Variants in CNTNAP2 observed in about 807,000 individuals in gnomAD.
CNTNAP2 encodes the protein contactin-associated protein-like 2.
In CNTNAP2, 98 loss-of-function variants were observed where a neutral mutation model predicts 155.2. The ratio of observed to expected loss-of-function variants is 0.63; its 90% CI spans 0.54 to 0.75. The LOEUF (loss-of-function observed/expected upper bound fraction) is 0.75, where lower values mean the gene tolerates loss of function less well. Ranked by LOEUF, CNTNAP2 falls within the 30% of genes least tolerant of loss-of-function variation. The pLI, the probability that CNTNAP2 is intolerant of heterozygous loss-of-function variation, is 0.00. For missense variants in CNTNAP2, 1,727 were observed against 1,688.1 expected (o/e 1.02, Z -0.40); for synonymous variants, 651 against 631.2 (o/e 1.03, Z -0.47).
At chr7:146,780,045 G>C (rs957993484) in intron 2 of CNTNAP2, among the ~76,000 whole-genome samples, 27 of 152,202 alleles carry the variant, frequency 1.8e-4, no homozygotes, top group African/African-American at 5.5e-4. Context: ...TAATGGGATT[G>C]CTGGGTCAAA....
intron 4 of CNTNAP2, among the ~76,000 whole-genome samples, chr7:147,102,379 T>C (rs1466752585): frequency 1.3e-5 from 2 of 151,076 alleles, no homozygotes. Context: ...AGAGAAAGAA[T>C]TATATGTTGA....
intron 1 of CNTNAP2, among the ~76,000 whole-genome samples, chr7:146,455,822 G>T (rs1796546866): frequency 6.6e-6 from 1 of 152,030 alleles, no homozygotes; most frequent in African/African-American, 2.4e-5. Flanking sequence ...GTGGTCAGTT[G>T]GTCTTTCTAT....
chr7:148,277,044 GT>G (rs1219943569), intron 21 of CNTNAP2, among the ~76,000 whole-genome samples: 2 of 152,180 alleles, frequency 1.3e-5, no homozygotes, highest in Non-Finnish European at 1.5e-5. Context: ...AAAATGTTCA[GT>G]TTCTCGAAGA....
At chr7:146,627,071 T>G (rs6955024) in intron 1 of CNTNAP2, among the ~76,000 whole-genome samples, 5,284 of 152,234 alleles carry the variant, frequency 0.035, 314 homozygotes, top group African/African-American at 0.12. Context: ...CTCACAATCA[T>G]GACAGAAGGC....
intron 8 of CNTNAP2, among the ~76,000 whole-genome samples, chr7:147,224,816 A>G (rs1803484784): frequency 6.6e-6 from 1 of 152,160 alleles, no homozygotes; most frequent in African/African-American, 2.4e-5. Context: ...ACACATATAC[A>G]CCAGTGATAT....
chr7:147,638,725 A>G (rs1329962033), intron 12 of CNTNAP2: 3 of 390,646 alleles, frequency 7.7e-6, no homozygotes, highest in African/African-American at 4.2e-5. Context: ...CATTTAGGAA[A>G]GAGAAAATCC....
Position 147,210,245 on chromosome 7 carries a change from G to A in CNTNAP2, c.1348+77736G>A, listed in dbSNP as rs558427035. Among the ~76,000 whole-genome samples, 158 of 152,010 alleles carry A rather than the reference G, an allele frequency of 1.0e-3. 1 individual carries two copies. Among genetic ancestry groups the A allele is most frequent in the African/African-American group, 3.5e-3 (146 of 41,536 alleles). ...ATTCAGGGCTTTTATTGGTTAGTAG[G>A]CTTTTTATTAATGATTCAGTTTCAG... On this transcript the variant is annotated intron_variant, in intron 8 of 23. Coordinates refer to ENST00000361727, the MANE Select transcript of CNTNAP2 (RefSeq NM_014141.6).
At chr7:146,407,658 T>C (rs1270016385) in intron 1 of CNTNAP2, among the ~76,000 whole-genome samples, 1 of 152,170 alleles carries the variant, frequency 6.6e-6, no homozygotes, top group Non-Finnish European at 1.5e-5. Flanking sequence ...TCTACTGCCA[T>C]TTCCCCAGAA....
At chr7:146,527,607 G>A (rs1359426192) in intron 1 of CNTNAP2, among the ~76,000 whole-genome samples, 1 of 151,948 alleles carries the variant, frequency 6.6e-6, no homozygotes, top group Non-Finnish European at 1.5e-5. Flanking sequence ...TGTCACATTT[G>A]AGGAATGGAT....
chr7:146,991,285 G>T (rs1798203923), intron 3 of CNTNAP2, among the ~76,000 whole-genome samples: 2 of 151,698 alleles, frequency 1.3e-5, no homozygotes, highest in African/African-American at 2.4e-5. Context: ...AAATATTTTG[G>T]GATTGAAATC....
chr7:146,721,675 ACTATATACATTCTATATATATATT>A (rs1801324013), intron 1 of CNTNAP2, among the ~76,000 whole-genome samples: 1 of 105,012 alleles, frequency 9.5e-6, no homozygotes, highest in Non-Finnish European at 1.7e-5. Context: ...CTATATATAT[ACTATATACATTCTATATATATATT>A]CTATATACAT....
chr7:148,400,120 G>GAGAT (rs1380995601), intron 22 of CNTNAP2, among the ~76,000 whole-genome samples: 1 of 152,210 alleles, frequency 6.6e-6, no homozygotes, highest in African/African-American at 2.4e-5. Flanking sequence ...ATCTCAGACT[G>GAGAT]AGATAGAAAT....
rs1297426651 is a variant in CNTNAP2 at position 148,227,931 on chromosome 7, GTGTGA to G, written c.3248-1714_3248-1710del. On this transcript the variant is annotated intron_variant, in intron 19 of 23. Coordinates refer to ENST00000361727, the MANE Select transcript of CNTNAP2 (RefSeq NM_014141.6). ...TGTGTGTGTGTGTGTGTGTGTGTGTGTGTGAAAGTCTGGAAGGAGCTACTCCCAAG... is the reference window on the plus strand; with the variant it reads ...TGTGTGTGTGTGTGTGTGTGTGTGTGAAGTCTGGAAGGAGCTACTCCCAAG... 1.6e-3 allele frequency among the ~76,000 whole-genome samples: 241 copies of G among 148,592 alleles called. 4 individuals are homozygous for G. Among genetic ancestry groups the G allele is most frequent in the African/African-American group, 5.5e-3 (218 of 39,724 alleles).
intron 3 of CNTNAP2, among the ~76,000 whole-genome samples, chr7:146,929,978 G>C (rs1430659657): frequency 1.3e-5 from 2 of 152,202 alleles, no homozygotes; most frequent in Admixed American, 6.5e-5. Flanking sequence ...GTACCTGACA[G>C]TGATGGGGAG....
At chr7:146,229,572 G>C (rs969859577) in intron 1 of CNTNAP2, among the ~76,000 whole-genome samples, 9 of 152,144 alleles carry the variant, frequency 5.9e-5, no homozygotes, top group Non-Finnish European at 1.0e-4. Flanking sequence ...TCCATGCGCT[G>C]ACAGAGAATG....
chr7:146,503,238 T>C (rs1022491895), intron 1 of CNTNAP2, among the ~76,000 whole-genome samples: 3 of 152,222 alleles, frequency 2.0e-5, no homozygotes, highest in Admixed American at 2.0e-4. Context: ...TTGCTTTTGT[T>C]ATCTGTGCTT....
At chr7:147,528,989 A>T (rs749590333) in intron 11 of CNTNAP2, among the ~76,000 whole-genome samples, 3 of 152,254 alleles carry the variant, frequency 2.0e-5, no homozygotes, top group Non-Finnish European at 4.4e-5. Context: ...ACCATCTTTA[A>T]TCATGGCAAG....
chr7:148,291,366 A>G (rs1026327676), intron 21 of CNTNAP2, among the ~76,000 whole-genome samples: 8 of 151,920 alleles, frequency 5.3e-5, no homozygotes, highest in African/African-American at 1.9e-4. Flanking sequence ...AGGTCCCACA[A>G]TAGACCATCT....
intron 1 of CNTNAP2, among the ~76,000 whole-genome samples, chr7:146,644,229 T>C (rs1799768762): frequency 6.6e-6 from 1 of 152,182 alleles, no homozygotes; most frequent in Non-Finnish European, 1.5e-5. Flanking sequence ...CCCTGTCTTG[T>C]GCCCGTTTTC....
Sources: allele counts gnomAD v4.1 joint callset (sites outside exome capture counted in the v4.1 genomes callset), GRCh38; gene constraint gnomAD v4.1.1; transcripts MANE v1.5; gene names NCBI Gene and HGNC (gene_info 2026-07-23, HGNC 2026-07-21).